The following EPHA7 variants were observed in gnomAD, a reference collection of about 807,000 sequenced individuals.
EPHA7 encodes the protein EPH receptor A7, also known as ephrin type-A receptor 7.
A neutral mutation model predicts 112.6 loss-of-function variants in EPHA7; 25 were observed. That is an observed-to-expected ratio of 0.22 (90% CI 0.16 to 0.31). The LOEUF is 0.31. Among genes scored for constraint, EPHA7 ranks in the 10% least tolerant of loss-of-function variants. EPHA7 has a pLI of 1.00. For synonymous variants in EPHA7, 437 were observed against 406.5 expected (o/e 1.07, Z -0.90); for missense variants, 962 against 1,212.6 (o/e 0.79, Z 3.07).
In EPHA7 at chr6:93,240,694, C is replaced by T. The variant is rs969497471; in HGVS notation, c.*2732G>A. ...TTTGCATTTTTATAATTTTGGAATT[C>T]TATTTTTGACGTTCACTTTCTCTAC... On this transcript the variant is annotated 3_prime_UTR_variant, in exon 17 of 17. Coordinates refer to ENST00000369303, the MANE Select transcript of EPHA7 (RefSeq NM_004440.4). 3 of 213,314 alleles carry T rather than the reference C, an allele frequency of 1.4e-5. No homozygotes were observed. Among genetic ancestry groups the T allele is most frequent in the Non-Finnish European group, 2.8e-5 (3 of 105,514 alleles). The allele number at this position is 213,314 out of a possible 1,614,324, so 13.2% of individuals were successfully genotyped here.
rs377484369 is a variant in EPHA7 at position 93,398,358 on chromosome 6, G to A, written c.832+12143C>T. Among the ~76,000 whole-genome samples, 5 of 151,900 alleles carry A rather than the reference G, an allele frequency of 3.3e-5. No individual in the cohort carries two copies. The East Asian group carries it at 7.7e-4, about 24-fold the overall frequency. On this transcript the variant is annotated intron_variant, in intron 3 of 16. Coordinates refer to ENST00000369303, the MANE Select transcript of EPHA7 (RefSeq NM_004440.4). ...GAATTATACAAGTCACCGTCCAAAT[G>A]TTACAAAAGAGACTATAACCTTCAG... is the stretch of plus-strand genomic sequence containing the variant.
intron 5 of EPHA7, among the ~76,000 whole-genome samples, chr6:93,309,450 T>C (rs1464926933): frequency 1.3e-5 from 2 of 152,302 alleles, no homozygotes; most frequent in East Asian, 3.9e-4. Context: ...GCACAATTTT[T>C]TTTTCAGCAC....
chr6:93,287,918 A>T (rs1772152827), intron 5 of EPHA7, among the ~76,000 whole-genome samples: 1 of 152,192 alleles, frequency 6.6e-6, no homozygotes, highest in Non-Finnish European at 1.5e-5. Flanking sequence ...CTATAATTTT[A>T]AAAAATCTAG....
intron 13 of EPHA7, 65 bp from the exon 14 acceptor site, chr6:93,254,861 C>T (rs1279267993): frequency 7.3e-7 from 1 of 1,369,248 alleles, no homozygotes; most frequent in African/African-American, 1.4e-5. Context: ...TATGGCAATA[C>T]CATAAATACA....
chr6:93,350,273 C>T (rs1426037064), intron 5 of EPHA7, among the ~76,000 whole-genome samples: 1 of 151,970 alleles, frequency 6.6e-6, no homozygotes, highest in Admixed American at 6.6e-5. Context: ...CTTAACAGCT[C>T]TTATCACTGA....
intron 3 of EPHA7, among the ~76,000 whole-genome samples, chr6:93,383,086 C>T (rs539590097): frequency 3.1e-4 from 47 of 152,140 alleles, no homozygotes; most frequent in East Asian, 1.9e-4. Context: ...TTCCCCACTC[C>T]CTTAAATATT....
intron 5 of EPHA7, among the ~76,000 whole-genome samples, chr6:93,331,608 G>C (rs1774596378): frequency 6.6e-6 from 1 of 151,336 alleles, no homozygotes. Flanking sequence ...TGATCATGGA[G>C]AGTTAAGGAA....
chr6:93,271,067 A>C (rs1339001822), intron 6 of EPHA7, among the ~76,000 whole-genome samples: 1 of 151,768 alleles, frequency 6.6e-6, no homozygotes, highest in South Asian at 2.1e-4. Context: ...TAAGCAGAGA[A>C]TATAACTGAT....
intron 5 of EPHA7, among the ~76,000 whole-genome samples, chr6:93,337,203 C>G (rs991646445): frequency 2.6e-5 from 4 of 152,252 alleles, no homozygotes; most frequent in African/African-American, 9.6e-5. Flanking sequence ...GAAAGATCCA[C>G]AAGGATAAGG....
chr6:93,341,895 AT>A (rs2044362300), intron 5 of EPHA7, among the ~76,000 whole-genome samples: 1 of 151,660 alleles, frequency 6.6e-6, no homozygotes, highest in Non-Finnish European at 1.5e-5. Context: ...ATATAATTTA[AT>A]TTATTCACAA....
chr6:93,272,387 C>A lies in EPHA7; in HGVS notation c.1360G>T (p.Val454Leu). 1 of 1,612,104 alleles carries A rather than the reference C, an allele frequency of 6.2e-7. No individual in the cohort carries two copies. The highest frequency in any genetic ancestry group is 8.5e-7 in the Non-Finnish European group (1 of 1,178,606). ...GAAAGCTCGACACTCCGCTGCAGTA[C>A]TCTCTCCTTCATTACTCCACTCACT... ...SQVSGVMKER[V>L]LQRSVELSWQ... The change falls in exon 6 of 17, where the codon GTA becomes TTA. Residue 454 changes from valine to leucine, a missense_variant. Physicochemically the swap from Val to Leu is conservative, Grantham distance 32. Around this residue, in one of 3 missense-constraint regions of EPHA7, gnomAD observed 746 missense variants for 889.2 expected, o/e 0.84. Coordinates refer to ENST00000369303, the MANE Select transcript of EPHA7 (RefSeq NM_004440.4).
rs575023811 is a variant in EPHA7 at position 93,318,618 on chromosome 6, G to A, written c.1324+38099C>T. Among the ~76,000 whole-genome samples, 22 of 152,002 alleles carry A rather than the reference G, an allele frequency of 1.4e-4. No homozygotes were observed. In the East Asian group the frequency reaches 3.3e-3, roughly 23 times the overall value. ...TAAACAGTAGACATAAAAGTACTATGTCATTTTGTTTTTTGTTTGTTTGTT... is the reference window on the plus strand; with the variant it reads ...TAAACAGTAGACATAAAAGTACTATATCATTTTGTTTTTTGTTTGTTTGTT... On this transcript the variant is annotated intron_variant, in intron 5 of 16. Coordinates refer to ENST00000369303, the MANE Select transcript of EPHA7 (RefSeq NM_004440.4).
chr6:93,386,637 C>T (rs1328640795), intron 3 of EPHA7, among the ~76,000 whole-genome samples: 2 of 152,162 alleles, frequency 1.3e-5, no homozygotes, highest in Non-Finnish European at 2.9e-5. Flanking sequence ...GTGGGAGCTC[C>T]AGTCCACTTT....
At chr6:93,305,518 A>T (rs1195158837) in intron 5 of EPHA7, among the ~76,000 whole-genome samples, 1 of 151,966 alleles carries the variant, frequency 6.6e-6, no homozygotes, top group East Asian at 1.9e-4. Flanking sequence ...GTGAGAAAGA[A>T]ATATTTCCTG....
At chr6:93,263,803 A>G in intron 9 of EPHA7, 57 bp downstream of exon 9, 1 of 1,432,860 alleles carries the variant, frequency 7.0e-7, no homozygotes. Context: ...CAATGCTAAT[A>G]ACCAGATTTT....
At chr6:93,373,999 G>T (rs962372914) in intron 3 of EPHA7, among the ~76,000 whole-genome samples, 1 of 152,002 alleles carries the variant, frequency 6.6e-6, no homozygotes, top group Admixed American at 6.6e-5. Context: ...TGTATAACAT[G>T]TCAGAAGAAT....
chr6:93,313,176 A>C (rs1773629030), intron 5 of EPHA7, among the ~76,000 whole-genome samples: 1 of 152,166 alleles, frequency 6.6e-6, no homozygotes, highest in East Asian at 1.9e-4. Flanking sequence ...TTCAATTCGT[A>C]AAAAATGCGA....
intron 3 of EPHA7, among the ~76,000 whole-genome samples, chr6:93,371,850 A>G (rs1776815457): frequency 6.6e-6 from 1 of 152,160 alleles, no homozygotes; most frequent in Admixed American, 6.5e-5. Flanking sequence ...TATACTAACC[A>G]GAACACCAGA....
At chr6:93,254,518 A>G (rs1365597822) in intron 14 of EPHA7, 129 bp downstream of exon 14, 2 of 570,370 alleles carry the variant, frequency 3.5e-6, no homozygotes, top group African/African-American at 1.9e-5. Context: ...TTAGTGTGGT[A>G]GTAATTGTGG....
Sources: gnomAD v4.1 joint callset for allele counts (sites outside exome capture counted in the v4.1 genomes callset) on GRCh38, gnomAD v4.1.1 for gene constraint, gnomAD v4.1.1 regional missense constraint, MANE v1.5 for transcripts, NCBI Gene and HGNC (gene_info 2026-07-23, HGNC 2026-07-21) for gene names.